The following CLCN1 variants were observed in gnomAD, a reference collection of about 807,000 sequenced individuals.
CLCN1 encodes chloride voltage-gated channel 1.
CLCN1 carries 100 observed loss-of-function variants against 114.5 expected under a neutral mutation model. The ratio of observed to expected loss-of-function variants is 0.87; its 90% CI spans 0.74 to 1.03. The LOEUF is 1.03. Ranked by LOEUF, CLCN1 falls within the 50% of genes least tolerant of loss-of-function variation. The pLI is 0.00. For missense variants in CLCN1, 1,188 were observed against 1,250.0 expected (o/e 0.95, Z 0.75); for synonymous variants, 485 against 487.1 (o/e 1.00, Z 0.06).
intron 12 of CLCN1, among the ~76,000 whole-genome samples, chr7:143,335,563 A>G (rs1324445012): frequency 6.6e-6 from 1 of 152,062 alleles, no homozygotes; most frequent in East Asian, 1.9e-4. Flanking sequence ...TATAAACATG[A>G]CTGAAACAAT....
chr7:143,350,425 C>T lies in CLCN1; in HGVS notation c.2457C>T (p.Cys819=). ...GCCAGCCTGTCTGTTTTGATTCCTG[C>T]TGTATTGACCAGTCTCCCTTCCAGC... is the stretch of plus-strand genomic sequence containing the variant. ...QLSQPVCFDS[C]CIDQSPFQLV... The change falls in exon 21 of 23, where the codon TGC becomes TGT. Residue 819 remains cysteine (C), a synonymous_variant. Transcript: ENST00000343257. The surrounding 1 kb of genome is among the most constrained non-coding windows in gnomAD (Gnocchi z 5.1). 6.2e-7 allele frequency: 1 copy of T among 1,614,196 alleles called. No individual in the cohort carries two copies. Among genetic ancestry groups the T allele is most frequent in the Non-Finnish European group, 8.5e-7 (1 of 1,180,016 alleles).
chr7:143,324,547 A>G lies in CLCN1; in HGVS notation c.853+55A>G, dbSNP rs1802531222. 12 of 1,372,708 alleles carry G rather than the reference A, an allele frequency of 8.7e-6. No homozygotes were observed. Among genetic ancestry groups the G allele is most frequent in the Non-Finnish European group, 1.2e-5 (12 of 960,794 alleles). 85.0% of individuals were successfully genotyped at this position (1,372,708 alleles called of 1,614,324 possible). A position where few individuals can be genotyped will look rare whatever the true frequency, so the allele number is the denominator to read the frequency against. ...CGGCTTGCCTGGCCTGGCTCCCAAAACAGTTTTAATCAGTATCCACAAGTG... is the reference window on the plus strand; with the variant it reads ...CGGCTTGCCTGGCCTGGCTCCCAAAGCAGTTTTAATCAGTATCCACAAGTG... On this transcript the variant is annotated intron_variant, in intron 7 of 22. Coordinates refer to ENST00000343257, the MANE Select transcript of CLCN1 (RefSeq NM_000083.3). This position sits in a 1 kb window ranked among gnomAD's most constrained non-coding sequence, Gnocchi z 4.6.
chr7:143,349,749 A>G (rs1234317851), intron 20 of CLCN1, among the ~76,000 whole-genome samples: 2 of 152,348 alleles, frequency 1.3e-5, no homozygotes, highest in African/African-American at 4.8e-5. Flanking sequence ...TTTCTTCACA[A>G]TATACAGCAG....
At chr7:143,347,041 A>G in intron 20 of CLCN1, 92 bp downstream of exon 20, 1 of 1,129,392 alleles carries the variant, frequency 8.9e-7, no homozygotes, top group Non-Finnish European at 1.4e-6. Flanking sequence ...TGTTGTCATG[A>G]AATAGAATGT....
intron 7 of CLCN1, among the ~76,000 whole-genome samples, chr7:143,329,626 G>T (rs1802669115): frequency 6.6e-6 from 1 of 152,156 alleles, no homozygotes; most frequent in African/African-American, 2.4e-5. Flanking sequence ...AAAATTACTA[G>T]GATGCGAGGT....
chr7:143,332,264 G>A (rs888959306), intron 10 of CLCN1, among the ~76,000 whole-genome samples, 155 bp from the exon 11 acceptor site: 3 of 152,136 alleles, frequency 2.0e-5, no homozygotes, highest in South Asian at 2.1e-4. Context: ...CACCGCACTC[G>A]GCCTCAAATA....
At position 143,332,971 on chromosome 7, in the gene CLCN1, G is replaced by C. The variant is rs1242814151; in HGVS notation, c.1401+98G>C. On this transcript the variant is annotated intron_variant, in intron 12 of 22. Coordinates refer to ENST00000343257, the MANE Select transcript of CLCN1 (RefSeq NM_000083.3). ...GGTAGGAAGGGGTAGAACTTCATTT[G>C]GTCTTCATCCAACCTAAAAATAAGT... 2.3e-6 allele frequency: 3 copies of C among 1,316,030 alleles called. No individual in the cohort carries two copies. In the Admixed American group the frequency reaches 5.0e-5, roughly 22 times the overall value. 81.5% of individuals were successfully genotyped at this position (1,316,030 alleles called of 1,614,324 possible). A position where few individuals can be genotyped will look rare whatever the true frequency, so the allele number is the denominator to read the frequency against.
intron 16 of CLCN1, among the ~76,000 whole-genome samples, chr7:143,343,581 A>G (rs1803143613): frequency 6.6e-6 from 1 of 152,252 alleles, no homozygotes; most frequent in South Asian, 2.1e-4. Context: ...GGAATCCATG[A>G]ATAATGACAA....
chr7:143,322,630 C>T (rs1156337101), intron 5 of CLCN1, among the ~76,000 whole-genome samples: 1 of 152,234 alleles, frequency 6.6e-6, no homozygotes, highest in Non-Finnish European at 1.5e-5. Flanking sequence ...TCAAGCGATT[C>T]TCCCACCTCA....
At chr7:143,341,158 T>G (rs1352802768) in intron 14 of CLCN1, among the ~76,000 whole-genome samples, 1 of 152,124 alleles carries the variant, frequency 6.6e-6, no homozygotes, top group Non-Finnish European at 1.5e-5. Flanking sequence ...TTGCTGCATG[T>G]CCACAGTATG....
At chr7:143,335,012 A>G (rs951140230) in intron 12 of CLCN1, among the ~76,000 whole-genome samples, 1 of 152,226 alleles carries the variant, frequency 6.6e-6, no homozygotes, top group Non-Finnish European at 1.5e-5. Flanking sequence ...TCAGAATTGG[A>G]CGGTAGTCCA....
intron 7 of CLCN1, among the ~76,000 whole-genome samples, chr7:143,328,612 A>G (rs887007083): frequency 8.5e-5 from 13 of 152,210 alleles, no homozygotes; most frequent in Non-Finnish European, 1.3e-4. Flanking sequence ...TCAGTTGGAT[A>G]GTTTACACCC....
At position 143,332,276 on chromosome 7, in the gene CLCN1, TGG is replaced by T. The variant is rs751115532; in HGVS notation, c.1167-142_1167-141del. The T allele has an allele frequency of 2.0e-3, 1,598 of 785,118 alleles. 5 individuals carry two copies. Among genetic ancestry groups the T allele is most frequent in the Non-Finnish European group, 2.1e-3 (934 of 444,636 alleles). The allele number at this position is 785,118 out of a possible 1,614,324, so 48.6% of individuals were successfully genotyped here. ...AGCCACCGCACTCGGCCTCAAATATTGGTTTTTTGTGTGAAGAGAATCTTTTT... is the reference window on the plus strand; with the variant it reads ...AGCCACCGCACTCGGCCTCAAATATTTTTTTTGTGTGAAGAGAATCTTTTT... On this transcript the variant is annotated intron_variant, in intron 10 of 22. Coordinates refer to ENST00000343257, the MANE Select transcript of CLCN1 (RefSeq NM_000083.3).
At chr7:143,337,521 C>G (rs1802938249) in intron 12 of CLCN1, among the ~76,000 whole-genome samples, 1 of 152,198 alleles carries the variant, frequency 6.6e-6, no homozygotes, top group East Asian at 1.9e-4. Context: ...TTCTTTCTTT[C>G]TACGGTTCTG....
In CLCN1 at chr7:143,351,643, C is replaced by T. The variant is rs745329674; in HGVS notation, c.2645C>T (p.Pro882Leu). The T allele has an allele frequency of 3.2e-5, 51 of 1,614,090 alleles. No homozygotes were observed. The highest frequency in any genetic ancestry group is 3.8e-5 in the Non-Finnish European group (45 of 1,180,058). Residue 882 changes from proline to leucine, a missense_variant, in exon 23 of 23, where the codon CCT (proline) becomes CTT (leucine). Transcript: ENST00000343257. ...GHTKSGVQLR[P>L]PLASFRNTTS... is the part of the protein sequence containing the mutation. Reference sequence around the variant, plus strand: ...ACCAAGTCTGGGGTGCAGCTCCGCCCTCCCCTTGCCAGCTTCCGGAACACG... The same window carrying T: ...ACCAAGTCTGGGGTGCAGCTCCGCCTTCCCCTTGCCAGCTTCCGGAACACG...
At chr7:143,335,330 T>A (rs1262180803) in intron 12 of CLCN1, among the ~76,000 whole-genome samples, 1 of 152,162 alleles carries the variant, frequency 6.6e-6, no homozygotes. Context: ...TCATACTGTA[T>A]CAGGAAAAGA....
chr7:143,348,012 C>T (rs191046152), intron 20 of CLCN1, among the ~76,000 whole-genome samples: 78 of 152,088 alleles, frequency 5.1e-4, no homozygotes, highest in African/African-American at 1.7e-3. Context: ...TTGCTGCAAA[C>T]GCCGAAAACG....
rs905968051 is a variant in CLCN1 at position 143,346,468 on chromosome 7, A to T, written c.2285-111A>T. ...ATTTAGGAGGGTAGAAGAGAGGGTG[A>T]GGTACCTGGGAAGTGCAGCTCTTTG... On this transcript the variant is annotated intron_variant, in intron 18 of 22. Transcript: ENST00000343257. 3 of 845,820 alleles carry T rather than the reference A, an allele frequency of 3.5e-6. No individual in the cohort carries two copies. The African/African-American group carries it at 5.0e-5, about 14-fold the overall frequency. 52.4% of individuals were successfully genotyped at this position (845,820 alleles called of 1,614,324 possible). A position where few individuals can be genotyped will look rare whatever the true frequency, so the allele number is the denominator to read the frequency against.
rs540720549 is a variant in CLCN1, at chr7:143,316,410, G to C, written c.180+18G>C. On this transcript the variant is annotated intron_variant, in intron 1 of 22. Coordinates refer to ENST00000343257, the MANE Select transcript of CLCN1 (RefSeq NM_000083.3). ...CCACACAGGTAAAGTGCTCTAAGGGGAGAGGGGAGCCATGGATGAGGGGAG... is the reference window on the plus strand; with the variant it reads ...CCACACAGGTAAAGTGCTCTAAGGGCAGAGGGGAGCCATGGATGAGGGGAG... 1 of 1,608,614 alleles carries C rather than the reference G, an allele frequency of 6.2e-7. No individual in the cohort carries two copies. Among genetic ancestry groups the C allele is most frequent in the East Asian group, 2.2e-5 (1 of 44,830 alleles).
Sources: allele counts gnomAD v4.1 joint callset (sites outside exome capture counted in the v4.1 genomes callset), GRCh38; gene constraint gnomAD v4.1.1; non-coding constraint Gnocchi (gnomAD v3.1); transcripts MANE v1.5; gene names NCBI Gene and HGNC (gene_info 2026-07-23, HGNC 2026-07-21).